MEIG1: variants seen among roughly 807,000 people sequenced by gnomAD.
MEIG1 encodes meiosis/spermiogenesis associated 1.
MEIG1 carries 12 observed loss-of-function variants against 11.3 expected under a neutral mutation model. The ratio of observed to expected loss-of-function variants is 1.07; its 90% CI spans 0.68 to 1.73. The LOEUF (loss-of-function observed/expected upper bound fraction) is 1.73. Ranked by LOEUF, MEIG1 falls within the 40% of genes most tolerant of loss-of-function variation. MEIG1 has a pLI of 0.00. For missense variants in MEIG1, 119 were observed against 104.9 expected, an observed-to-expected ratio of 1.13 and a Z score of -0.59; for synonymous variants, 41 against 33.2, an observed-to-expected ratio of 1.24 and a Z score of -0.81.
At chr10:14,977,511 G>A (rs1843221656), downstream of MEIG1, among the ~76,000 whole-genome samples, 2 of 151,838 alleles carry the variant, frequency 1.3e-5, no homozygotes, top group Admixed American at 6.6e-5. Flanking sequence ...TAATGTCACA[G>A]GGGGTGTACA....
chr10:14,956,200 G>C, upstream of MEIG1, among the ~76,000 whole-genome samples: 1 of 152,200 alleles, frequency 6.6e-6, no homozygotes, highest in East Asian at 1.9e-4. Flanking sequence ...CTCTGGGAGA[G>C]TGGGGCCTGG....
chr10:14,957,606 A>C (rs1288022712), upstream of MEIG1, among the ~76,000 whole-genome samples: 1 of 152,120 alleles, frequency 6.6e-6, no homozygotes, highest in Non-Finnish European at 1.5e-5. Flanking sequence ...GGTTGTGAGC[A>C]GAGGACTGAC....
Position 14,978,103 on chromosome 10 carries a change from C to T in MEIG1, n.66+5483C>T, listed in dbSNP as rs9988699. Among the ~76,000 whole-genome samples, 603 of 151,888 alleles carry T rather than the reference C, an allele frequency of 4.0e-3. 3 individuals are homozygous for T. The highest frequency in any genetic ancestry group is 0.014 in the African/African-American group (567 of 41,396). On this transcript the variant is annotated intron_variant and non_coding_transcript_variant, in intron 1 of 2. Transcript: ENST00000467536. ...TTCGTAATATCCTAGGAAGAGGTTA[C>T]TCCTAATATCACATGTGTTATCCTA...
At chr10:14,963,051 C>CA (rs1843033919) in intron 1 of MEIG1, among the ~76,000 whole-genome samples, 2 of 86,322 alleles carry the variant, frequency 2.3e-5, no homozygotes, top group South Asian at 8.0e-4. Flanking sequence ...CGTGAGCCAC[C>CA]GTCCTGTCCT....
intron 2 of MEIG1, 26 bp downstream of exon 2, chr10:14,966,632 C>G (rs751770811): frequency 1.3e-6 from 2 of 1,591,336 alleles, no homozygotes; most frequent in East Asian, 2.3e-5. Context: ...CTACAAACCT[C>G]AACTCGAAAT....
chr10:14,979,038 G>A (rs1047008215), intron 1 of MEIG1, among the ~76,000 whole-genome samples: 21 of 152,030 alleles, frequency 1.4e-4, no homozygotes, highest in African/African-American at 4.6e-4. Context: ...TATCCTGGTG[G>A]GATGTTACTA....
chr10:14,970,608 A>G (rs1368711081), intron 2 of MEIG1: 1 of 152,242 alleles, frequency 6.6e-6, no homozygotes, highest in Non-Finnish European at 1.5e-5. Context: ...GGTTTTCTGT[A>G]ATGTATGTCA....
At chr10:14,963,384 C>T (rs1267676028) in intron 1 of MEIG1, among the ~76,000 whole-genome samples, 2 of 152,216 alleles carry the variant, frequency 1.3e-5, no homozygotes, top group Non-Finnish European at 2.9e-5. Flanking sequence ...CGTGAGCCAC[C>T]ACGCCCAGCC....
intron 1 of MEIG1, among the ~76,000 whole-genome samples, chr10:14,979,658 C>T (rs921181731): frequency 6.6e-6 from 1 of 152,018 alleles, no homozygotes; most frequent in Non-Finnish European, 1.5e-5. Flanking sequence ...ATGGGGTGTA[C>T]ACCCTGGGAT....
At chr10:14,958,722 C>A (rs1842975951), upstream of MEIG1, among the ~76,000 whole-genome samples, 1 of 152,068 alleles carries the variant, frequency 6.6e-6, no homozygotes, top group Admixed American at 6.5e-5. Context: ...CGGTGAAACC[C>A]CGTCTCTACT....
At chr10:14,966,862 T>C (rs1159447236) in intron 2 of MEIG1, among the ~76,000 whole-genome samples, 1 of 152,006 alleles carries the variant, frequency 6.6e-6, no homozygotes, top group Admixed American at 6.6e-5. Context: ...GCCTCGTGAG[T>C]AGCTGGGATC....
At chr10:14,981,329 A>G (rs1170981832) in intron 1 of MEIG1, among the ~76,000 whole-genome samples, 10 of 151,932 alleles carry the variant, frequency 6.6e-5, no homozygotes, top group Non-Finnish European at 1.3e-4. Flanking sequence ...AGCAGCAAAG[A>G]GCTGTGTTCT....
chr10:14,982,351 G>A (rs1016555099), intron 1 of MEIG1, among the ~76,000 whole-genome samples: 4 of 152,062 alleles, frequency 2.6e-5, no homozygotes, highest in Non-Finnish European at 2.9e-5. Flanking sequence ...ACTCTTGGGG[G>A]TTTTGATAAT....
chr10:14,983,435 C>T (rs1281528449), intron 1 of MEIG1, among the ~76,000 whole-genome samples: 1 of 151,920 alleles, frequency 6.6e-6, no homozygotes, highest in Admixed American at 6.6e-5. Flanking sequence ...AGGGAGAGGA[C>T]GATATGACTC....
upstream of MEIG1, among the ~76,000 whole-genome samples, chr10:14,957,564 T>G (rs1423466367): frequency 6.6e-6 from 1 of 152,216 alleles, no homozygotes; most frequent in Non-Finnish European, 1.5e-5. Context: ...GCCTCTGGTT[T>G]TCACTCTCCA....
At chr10:14,974,032 G>A (rs142046600), downstream of MEIG1, among the ~76,000 whole-genome samples, 2 of 152,272 alleles carry the variant, frequency 1.3e-5, no homozygotes, top group African/African-American at 4.8e-5. Context: ...GTATAATTGT[G>A]CTGGACTTTC....
intron 2 of MEIG1, chr10:14,987,528 C>A: frequency 1.5e-6 from 1 of 684,126 alleles, no homozygotes; most frequent in Non-Finnish European, 2.7e-6. Context: ...AAGCAATTCA[C>A]AAGGAACATC....
downstream of MEIG1, among the ~76,000 whole-genome samples, chr10:14,976,685 T>C (rs2131279004): frequency 6.6e-6 from 1 of 152,276 alleles, no homozygotes; most frequent in African/African-American, 2.4e-5. Context: ...TGTGGGATGT[T>C]ACCCCTAATG....
intron 1 of MEIG1, among the ~76,000 whole-genome samples, chr10:14,982,866 G>C (rs1308881502): frequency 6.6e-6 from 1 of 151,802 alleles, no homozygotes. Context: ...TAATATTAAC[G>C]ATTAATGATG....
Sources: allele counts gnomAD v4.1 joint callset (sites outside exome capture counted in the v4.1 genomes callset), GRCh38; gene constraint gnomAD v4.1.1; transcripts MANE v1.5; gene names NCBI Gene and HGNC (gene_info 2026-07-23, HGNC 2026-07-21).